SRSF4: variants seen among roughly 807,000 people sequenced by gnomAD.
The protein encoded by SRSF4 is serine and arginine rich splicing factor 4, also known as serine/arginine-rich splicing factor 4.
Under a neutral mutation model 48.8 loss-of-function variants are expected in SRSF4, and 12 were observed. The observed-to-expected ratio is 0.25, with a 90% CI of 0.16 to 0.40. The LOEUF (loss-of-function observed/expected upper bound fraction) is 0.40, where lower values mean the gene tolerates loss of function less well. Among genes scored for constraint, SRSF4 ranks in the 10% least tolerant of loss-of-function variants. The pLI is 1.00. For missense variants in SRSF4, 466 were observed against 667.1 expected, an observed-to-expected ratio of 0.70 and a Z score of 3.32; for synonymous variants, 248 against 232.5, an observed-to-expected ratio of 1.07 and a Z score of -0.61.
chr1:29,156,238 C>T (rs1198852203), intron 3 of SRSF4, among the ~76,000 whole-genome samples: 2 of 151,782 alleles, frequency 1.3e-5, no homozygotes, highest in African/African-American at 4.8e-5. Context: ...CTTGTAACCC[C>T]AGCTACCTGG....
Position 29,148,118 on chromosome 1 carries a change from T to C in SRSF4, c.*292A>G, listed in dbSNP as rs1231775833. Reference sequence around the variant, plus strand: ...CCAGCCTTAGAGCCGTCCAGGTTACTGAGCTCCCTGTAGGAAAGGCCAGGC... The same window carrying C: ...CCAGCCTTAGAGCCGTCCAGGTTACCGAGCTCCCTGTAGGAAAGGCCAGGC... On this transcript the variant is annotated 3_prime_UTR_variant, in exon 6 of 6. Transcript: ENST00000373795. 1 of 565,946 alleles carries C rather than the reference T, an allele frequency of 1.8e-6. No homozygotes were observed. The highest frequency in any genetic ancestry group is 3.3e-6 in the Non-Finnish European group (1 of 299,250). The allele number at this position is 565,946 out of a possible 1,614,324, so 35.1% of individuals were successfully genotyped here.
In SRSF4 at chr1:29,149,373, A is replaced by G. The variant is rs1225429184; in HGVS notation, c.669-147T>C. The stretch of plus-strand genomic sequence containing the variant: ...TGAGGATTGTTTTCTGAACCCTCAC[A>G]ATGCCAATCAGAAGCTGGAAAAACT... On this transcript the variant is annotated intron_variant, in intron 5 of 5. Coordinates refer to ENST00000373795, the MANE Select transcript of SRSF4 (RefSeq NM_005626.5). The G allele has an allele frequency of 2.8e-5, 30 of 1,067,950 alleles. No individual in the cohort carries two copies. In the East Asian group the frequency reaches 4.9e-4, roughly 18 times the overall value. 66.2% of individuals were successfully genotyped at this position (1,067,950 alleles called of 1,614,324 possible).
chr1:29,166,388 A>G (rs1232223885), intron 1 of SRSF4, among the ~76,000 whole-genome samples: 2 of 152,258 alleles, frequency 1.3e-5, no homozygotes, highest in Non-Finnish European at 2.9e-5. Flanking sequence ...AGTGCTCAGA[A>G]GAGGCCAACT....
rs1477641936 is a variant in SRSF4 at position 29,148,446 on chromosome 1, G to A, written c.1449C>T (p.Pro483=). The part of the protein sequence containing the change: ...KSRSRSASRS[P]SRSRSRSHSR... The stretch of plus-strand genomic sequence containing the variant: ...AGTGGGACCTAGATCTAGATCGGGA[G>A]GGCGATCTGGAAGCAGACCTGGATC... The change falls in exon 6 of 6, where the codon CCC becomes CCT. Residue 483 remains proline, a synonymous_variant. Coordinates refer to ENST00000373795, the MANE Select transcript of SRSF4 (RefSeq NM_005626.5). 1 of 1,610,166 alleles carries A rather than the reference G, an allele frequency of 6.2e-7. No individual in the cohort carries two copies.
At chr1:29,169,107 G>A (rs1017019996) in intron 1 of SRSF4, 2 of 152,046 alleles carry the variant, frequency 1.3e-5, no homozygotes, top group African/African-American at 2.4e-5. Context: ...AAAGTTTTAC[G>A]ATGTATAAAG....
intron 1 of SRSF4, among the ~76,000 whole-genome samples, chr1:29,173,796 C>G (rs1035257179): frequency 2.0e-5 from 3 of 151,792 alleles, no homozygotes; most frequent in Admixed American, 2.0e-4. Context: ...AATAGACAAG[C>G]CTTAAAGGCT....
chr1:29,156,201 A>G (rs955814792), intron 3 of SRSF4, among the ~76,000 whole-genome samples: 2 of 152,118 alleles, frequency 1.3e-5, no homozygotes, highest in African/African-American at 4.8e-5. Flanking sequence ...TAAAAATACA[A>G]AAATCAACCA....
chr1:29,149,506 C>T (rs1354288673), intron 5 of SRSF4, among the ~76,000 whole-genome samples: 2 of 151,860 alleles, frequency 1.3e-5, no homozygotes, highest in African/African-American at 2.4e-5. Context: ...ATGGTGAAGC[C>T]CCGTCTCTAC....
At chr1:29,149,623 GT>G (rs1672371490) in intron 5 of SRSF4, among the ~76,000 whole-genome samples, 1 of 149,970 alleles carries the variant, frequency 6.7e-6, no homozygotes, top group Non-Finnish European at 1.5e-5. Flanking sequence ...AGAGGTTGCA[GT>G]GAGCCGAGAT....
Position 29,150,250 on chromosome 1 carries a change from A to G in SRSF4, c.579-58T>C, listed in dbSNP as rs984264757. On this transcript the variant is annotated intron_variant, in intron 4 of 5. Coordinates refer to ENST00000373795, the MANE Select transcript of SRSF4 (RefSeq NM_005626.5). ...GACAAGAGGCTGCTGATGAGCATCA[A>G]TCAAGACTATATATATTATATATAT... The G allele has an allele frequency of 1.7e-4, 195 of 1,133,288 alleles. 1 individual carries two copies. Among genetic ancestry groups the G allele is most frequent in the South Asian group, 3.7e-4 (30 of 81,222 alleles). 70.2% of individuals were successfully genotyped at this position (1,133,288 alleles called of 1,614,324 possible).
At chr1:29,151,238 C>G (rs545237287) in intron 4 of SRSF4, among the ~76,000 whole-genome samples, 28 of 152,304 alleles carry the variant, frequency 1.8e-4, no homozygotes, top group African/African-American at 2.6e-4. Flanking sequence ...TCACACCTCT[C>G]CAGACCTAAC....
chr1:29,155,094 T>G (rs1481995944), intron 3 of SRSF4, among the ~76,000 whole-genome samples, 184 bp from the exon 4 acceptor site: 1 of 152,044 alleles, frequency 6.6e-6, no homozygotes, highest in East Asian at 1.9e-4. Flanking sequence ...CCATATTAGG[T>G]GGGTGGGAGA....
intron 5 of SRSF4, 119 bp downstream of exon 5, chr1:29,149,984 T>C (rs2151811565): frequency 3.7e-6 from 3 of 808,040 alleles, no homozygotes; most frequent in East Asian, 5.1e-5. Flanking sequence ...GCCATGACTG[T>C]ACCACTGGAC....
chr1:29,181,165 A>G (rs1281133696), intron 1 of SRSF4, among the ~76,000 whole-genome samples: 1 of 152,226 alleles, frequency 6.6e-6, no homozygotes, highest in Non-Finnish European at 1.5e-5. Flanking sequence ...GCCTCCCTCC[A>G]AGGCTCCAGT....
intron 5 of SRSF4, among the ~76,000 whole-genome samples, chr1:29,149,554 G>A (rs1672370279): frequency 6.6e-6 from 1 of 152,022 alleles, no homozygotes; most frequent in Non-Finnish European, 1.5e-5. Flanking sequence ...GCTGGCACAC[G>A]CCTGTAAACC....
intron 1 of SRSF4, among the ~76,000 whole-genome samples, chr1:29,164,489 CACAT>C (rs1235250464): frequency 2.6e-5 from 4 of 152,182 alleles, no homozygotes; most frequent in Admixed American, 2.6e-4. Context: ...ATAAAATACA[CACAT>C]GCATGTATAC....
intron 2 of SRSF4, 80 bp from the exon 3 acceptor site, chr1:29,159,566 A>C: frequency 2.4e-6 from 2 of 828,062 alleles, no homozygotes; most frequent in South Asian, 1.6e-5. Context: ...CCCCCCTTAA[A>C]TATATTATTT....
At chr1:29,175,375 T>A (rs1453045380) in intron 1 of SRSF4, among the ~76,000 whole-genome samples, 3 of 150,488 alleles carry the variant, frequency 2.0e-5, no homozygotes. Flanking sequence ...CATTCCAGCC[T>A]GGGCAACAGA....
chr1:29,151,778 G>C (rs974613646), intron 4 of SRSF4, among the ~76,000 whole-genome samples: 3 of 152,178 alleles, frequency 2.0e-5, no homozygotes, highest in African/African-American at 7.2e-5. Context: ...ACATGCTGAA[G>C]TATTTAGGGG....
Sources: gnomAD v4.1 joint callset for allele counts (sites outside exome capture counted in the v4.1 genomes callset) on GRCh38, gnomAD v4.1.1 for gene constraint, MANE v1.5 for transcripts, NCBI Gene and HGNC (gene_info 2026-07-23, HGNC 2026-07-21) for gene names.